Variants in NCOR1 observed in about 807,000 individuals in gnomAD.
The protein encoded by NCOR1 is protein phosphatase 1, regulatory subunit 109.
NCOR1 carries 63 observed loss-of-function variants against 288.1 expected under a neutral mutation model. The ratio of observed to expected loss-of-function variants is 0.22; its 90% CI spans 0.18 to 0.27. The LOEUF (loss-of-function observed/expected upper bound fraction) is 0.27. Ranked by LOEUF, NCOR1 falls within the 10% of genes least tolerant of loss-of-function variation. The pLI is 1.00. For synonymous variants in NCOR1, 1,007 were observed against 1,065.9 expected, an observed-to-expected ratio of 0.94 and a Z score of 1.08; for missense variants, 2,397 against 3,019.2, an observed-to-expected ratio of 0.79 and a Z score of 4.83.
At chr17:16,080,811 A>G in intron 23 of NCOR1, 84 bp from the exon 24 acceptor site, 1 of 1,305,450 alleles carries the variant, frequency 7.7e-7, no homozygotes, top group Non-Finnish European at 1.0e-6. Context: ...CAGCATTCCC[A>G]TTTCTGTTTA....
At chr17:16,142,303 G>A (rs1180069153) in intron 11 of NCOR1, among the ~76,000 whole-genome samples, 5 of 151,958 alleles carry the variant, frequency 3.3e-5, no homozygotes, top group Non-Finnish European at 5.9e-5. Context: ...TTTGCAAATC[G>A]AGTATTAACT....
chr17:16,147,115 T>C (rs993140696), intron 9 of NCOR1, among the ~76,000 whole-genome samples: 1 of 152,116 alleles, frequency 6.6e-6, no homozygotes, highest in African/African-American at 2.4e-5. Context: ...TGCTTTATCA[T>C]AAAAAGAAAT....
chr17:16,184,303 A>C (rs1006231013), intron 3 of NCOR1, among the ~76,000 whole-genome samples: 2 of 152,224 alleles, frequency 1.3e-5, no homozygotes, highest in African/African-American at 2.4e-5. Flanking sequence ...ACATATTTGT[A>C]AACTATGCAT....
chr17:16,179,859 C>T (rs1438373227), intron 3 of NCOR1, among the ~76,000 whole-genome samples: 2 of 139,722 alleles, frequency 1.4e-5, no homozygotes, highest in Admixed American at 7.9e-5. Flanking sequence ...ACTAAAAGTA[C>T]AAAAATTAGC....
chr17:16,078,073 A>G (rs985586387), intron 26 of NCOR1, among the ~76,000 whole-genome samples: 8 of 152,216 alleles, frequency 5.3e-5, no homozygotes, highest in African/African-American at 1.4e-4. Flanking sequence ...GCCAATGACC[A>G]TGATTCTTTT....
In NCOR1 at chr17:16,171,876, C is replaced by G. The variant is rs192911086; in HGVS notation, c.362G>C (p.Arg121Pro). The change falls in exon 4 of 46, where the codon CGT becomes CCT. Residue 121 changes from arginine to proline, a missense_variant. Arg to Pro is a moderately radical substitution (Grantham distance 103). Coordinates refer to ENST00000268712, the MANE Select transcript of NCOR1 (RefSeq NM_006311.4). Reference protein sequence around the residue: ...LEQVSDSHFQRVSAAVLPLVH... With the variant: ...LEQVSDSHFQPVSAAVLPLVH... The stretch of plus-strand genomic sequence containing the variant: ...TAAAGGCAAAACCGCAGCACTGACA[C>G]GCTGAAAATGAGAATCAGAAACCTG... 1.9e-6 allele frequency: 3 copies of G among 1,613,358 alleles called. No homozygotes were observed. The highest frequency in any genetic ancestry group is 2.5e-6 in the Non-Finnish European group (3 of 1,179,740).
At chr17:16,124,410 C>T (rs1271833195) in intron 15 of NCOR1, among the ~76,000 whole-genome samples, 1 of 152,156 alleles carries the variant, frequency 6.6e-6, no homozygotes, top group African/African-American at 2.4e-5. Flanking sequence ...GAGAAACTGA[C>T]TGCAAAGGAG....
chr17:16,118,805 T>C (rs1036731174), intron 17 of NCOR1, among the ~76,000 whole-genome samples: 1 of 152,222 alleles, frequency 6.6e-6, no homozygotes, highest in African/African-American at 2.4e-5. Flanking sequence ...GAAATTTTAG[T>C]TCAATTTCAA....
At chr17:16,135,366 A>G (rs2076251510) in intron 14 of NCOR1, among the ~76,000 whole-genome samples, 1 of 152,068 alleles carries the variant, frequency 6.6e-6, no homozygotes, top group Admixed American at 6.6e-5. Context: ...CTTTTCTGTC[A>G]GTACATCTTT....
intron 22 of NCOR1, among the ~76,000 whole-genome samples, chr17:16,089,128 T>C (rs866000008): frequency 4.6e-5 from 7 of 151,736 alleles, no homozygotes; most frequent in African/African-American, 1.7e-4. Context: ...GTAGTGGTTT[T>C]TTTTTTTTTT....
At chr17:16,045,414 G>A (rs554160755) in intron 42 of NCOR1, among the ~76,000 whole-genome samples, 1 of 152,166 alleles carries the variant, frequency 6.6e-6, no homozygotes, top group South Asian at 2.1e-4. Context: ...AGGATTAAAT[G>A]AGACTATATC....
chr17:16,206,586 A>G (rs748492057), intron 1 of NCOR1, among the ~76,000 whole-genome samples: 2 of 152,130 alleles, frequency 1.3e-5, no homozygotes, highest in Non-Finnish European at 2.9e-5. Context: ...GGGTTTCACC[A>G]TGTTGGCCAG....
intron 6 of NCOR1, among the ~76,000 whole-genome samples, chr17:16,158,485 A>C (rs564961313): frequency 1.3e-5 from 2 of 152,340 alleles, no homozygotes; most frequent in Admixed American, 6.5e-5. Context: ...ATATAATAGG[A>C]GACTCAGCTG....
chr17:16,035,530 CTT>C (rs966987249), intron 44 of NCOR1, among the ~76,000 whole-genome samples: 183 of 118,288 alleles, frequency 1.5e-3, no homozygotes, highest in Middle Eastern at 8.3e-3. Context: ...TTCTCTTGTT[CTT>C]TTTTTTTTTT....
chr17:16,183,230 CAA>C (rs59665102), intron 3 of NCOR1, among the ~76,000 whole-genome samples: 26 of 64,076 alleles, frequency 4.1e-4, no homozygotes, highest in African/African-American at 1.0e-3. Flanking sequence ...AGCAATCAAA[CAA>C]AAAAAAAAAA....
At chr17:16,094,776 G>A (rs1434052042) in intron 21 of NCOR1, among the ~76,000 whole-genome samples, 1 of 152,106 alleles carries the variant, frequency 6.6e-6, no homozygotes, top group Non-Finnish European at 1.5e-5. Context: ...TGTGTTGGCT[G>A]GGCTGGTCTC....
chr17:16,100,755 T>C (rs2067475546), intron 20 of NCOR1, among the ~76,000 whole-genome samples: 1 of 152,268 alleles, frequency 6.6e-6, no homozygotes, highest in Non-Finnish European at 1.5e-5. Flanking sequence ...TATCATTACT[T>C]TGCATTTAAA....
chr17:16,056,855 T>C (rs562085032), intron 40 of NCOR1: 1 of 151,902 alleles, frequency 6.6e-6, no homozygotes, highest in East Asian at 1.9e-4. Context: ...AAAATATATA[T>C]GTGTGTGTGT....
chr17:16,065,768 A>C (rs2061045727), intron 32 of NCOR1, 74 bp from the exon 33 acceptor site: 2 of 1,327,924 alleles, frequency 1.5e-6, no homozygotes, highest in African/African-American at 1.4e-5. Flanking sequence ...CCACGTACAA[A>C]AGAGTAGAGA....
Sources: gnomAD v4.1 joint callset for allele counts (sites outside exome capture counted in the v4.1 genomes callset) on GRCh38, gnomAD v4.1.1 for gene constraint, MANE v1.5 for transcripts, NCBI Gene and HGNC (gene_info 2026-07-23, HGNC 2026-07-21) for gene names.